MICU3: variants seen among roughly 807,000 people sequenced by gnomAD.
MICU3 encodes calcium uptake protein 3, mitochondrial.
In MICU3, 62 loss-of-function variants were observed where a neutral mutation model predicts 66.5. The ratio of observed to expected loss-of-function variants is 0.93; its 90% CI spans 0.76 to 1.15. MICU3 has a LOEUF of 1.15. MICU3 is among the 50% of genes most tolerant of loss of function. The pLI is 0.00. For synonymous variants in MICU3, 308 were observed against 240.7 expected (o/e 1.28, Z -2.59); for missense variants, 779 against 664.4 (o/e 1.17, Z -1.90).
chr8:17,133,388 TA>T, the MICU3 span, among the ~76,000 whole-genome samples: 3 of 152,248 alleles, frequency 2.0e-5, no homozygotes, highest in African/African-American at 2.4e-5. Context: ...TTGCCACATA[TA>T]TTTTTTTAAA....
At chr8:17,138,512 T>A in the MICU3 span, among the ~76,000 whole-genome samples, 1 of 152,256 alleles carries the variant, frequency 6.6e-6, no homozygotes, top group Non-Finnish European at 1.5e-5. Context: ...AATTTGCAAA[T>A]GATGTCCACT....
intron 5 of MICU3, among the ~76,000 whole-genome samples, chr8:17,084,197 C>A (rs1007754399): frequency 8.6e-5 from 13 of 152,026 alleles, no homozygotes; most frequent in African/African-American, 3.1e-4. Flanking sequence ...CTGTATTTTT[C>A]CCTCCAAACA....
At chr8:17,066,708 C>G (rs938744465) in intron 2 of MICU3, among the ~76,000 whole-genome samples, 1 of 151,210 alleles carries the variant, frequency 6.6e-6, no homozygotes, top group African/African-American at 2.4e-5. Context: ...ATGCCACCAG[C>G]TAATTTTTTA....
intron 2 of MICU3, among the ~76,000 whole-genome samples, chr8:17,067,335 A>T (rs1818874720): frequency 6.6e-6 from 1 of 152,170 alleles, no homozygotes; most frequent in Non-Finnish European, 1.5e-5. Context: ...TTTTTCTTGA[A>T]GATCGAATGA....
At chr8:17,093,396 A>G (rs1045150836) in intron 8 of MICU3, among the ~76,000 whole-genome samples, 1 of 152,028 alleles carries the variant, frequency 6.6e-6, no homozygotes, top group East Asian at 1.9e-4. Context: ...TTTATGGACT[A>G]AAACAATATC....
rs116815403 is a variant in MICU3, at chr8:17,091,145, A to G, written c.888+561A>G. ...GTTTATCATATTATTTCTAAAGAGG[A>G]TAATGACTTTCAGACTTTTCTTGTC... On this transcript the variant is annotated intron_variant, in intron 8 of 14. Coordinates refer to ENST00000318063, the MANE Select transcript of MICU3 (RefSeq NM_181723.3). Among the ~76,000 whole-genome samples, 1,366 of 152,164 alleles carry G rather than the reference A, an allele frequency of 9.0e-3. 15 individuals carry two copies. The highest frequency in any genetic ancestry group is 0.03 in the African/African-American group (1,246 of 41,532).
intron 1 of MICU3, among the ~76,000 whole-genome samples, chr8:17,035,231 G>A (rs993229719): frequency 6.6e-6 from 1 of 152,166 alleles, no homozygotes; most frequent in Non-Finnish European, 1.5e-5. Context: ...CCAGTCTTGG[G>A]TATGTTTTTA....
intron 12 of MICU3, among the ~76,000 whole-genome samples, chr8:17,116,176 A>G (rs143216753): frequency 3.9e-5 from 6 of 152,334 alleles, no homozygotes. Flanking sequence ...TAACTTCTAA[A>G]GTATCTGTCA....
In MICU3 at chr8:17,033,391, A is replaced by G. The variant is rs190492527; in HGVS notation, c.381+5731A>G. 3.3e-5 allele frequency among the ~76,000 whole-genome samples: 5 copies of G among 152,274 alleles called. No individual in the cohort carries two copies. The East Asian group carries it at 7.7e-4, about 24-fold the overall frequency. On this transcript the variant is annotated intron_variant, in intron 1 of 14. Coordinates refer to ENST00000318063, the MANE Select transcript of MICU3 (RefSeq NM_181723.3). ...GGTCTATGTAGAAGACCAAACCACA[A>G]CATTCCCTTAAGACAGAGCTTAATC...
At chr8:17,036,845 C>G (rs1387149219) in intron 1 of MICU3, among the ~76,000 whole-genome samples, 2 of 152,244 alleles carry the variant, frequency 1.3e-5, no homozygotes. Context: ...TGGTCGATGG[C>G]ACTGGGCACC....
intron 1 of MICU3, among the ~76,000 whole-genome samples, chr8:17,050,579 C>G (rs534763718): frequency 6.6e-6 from 1 of 152,172 alleles, no homozygotes; most frequent in East Asian, 1.9e-4. Context: ...TTTGATCTGT[C>G]CATTTCTAGT....
intron 4 of MICU3, among the ~76,000 whole-genome samples, chr8:17,079,002 C>T (rs1236927413): frequency 6.6e-6 from 1 of 152,018 alleles, no homozygotes; most frequent in African/African-American, 2.4e-5. Flanking sequence ...TCTTAATATA[C>T]CTCATGGGAA....
At chr8:17,054,864 A>G (rs1585251841) in intron 1 of MICU3, among the ~76,000 whole-genome samples, 2 of 148,158 alleles carry the variant, frequency 1.3e-5, no homozygotes, top group South Asian at 2.1e-4. Context: ...TCAGCCTCCC[A>G]AGTAGCTGGG....
intron 1 of MICU3, among the ~76,000 whole-genome samples, chr8:17,048,505 C>G (rs897396075): frequency 1.3e-5 from 2 of 152,186 alleles, no homozygotes; most frequent in African/African-American, 4.8e-5. Flanking sequence ...GACCCACCCC[C>G]ATGATTCAGT....
chr8:17,099,218 T>A (rs1397343333), intron 9 of MICU3, among the ~76,000 whole-genome samples: 1 of 151,704 alleles, frequency 6.6e-6, no homozygotes, highest in Non-Finnish European at 1.5e-5. Flanking sequence ...AGAAAAACTG[T>A]TTTGTGTTTC....
At chr8:17,114,979 C>T (rs1018091803) in intron 12 of MICU3, among the ~76,000 whole-genome samples, 1 of 151,726 alleles carries the variant, frequency 6.6e-6, no homozygotes, top group African/African-American at 2.4e-5. Flanking sequence ...ATTAGCCGGG[C>T]GTAGTGGCGG....
chr8:17,094,109 C>G (rs542728070), intron 8 of MICU3, among the ~76,000 whole-genome samples: 2 of 152,008 alleles, frequency 1.3e-5, no homozygotes, highest in Admixed American at 1.3e-4. Context: ...GCATCCTAAA[C>G]AGTGTAGTTT....
intron 1 of MICU3, among the ~76,000 whole-genome samples, chr8:17,056,084 T>A (rs1367342998): frequency 6.6e-6 from 1 of 152,206 alleles, no homozygotes; most frequent in East Asian, 1.9e-4. Flanking sequence ...TTAATGTAAC[T>A]GATTGATCCC....
chr8:17,081,644 C>T, intron 4 of MICU3, 49 bp from the exon 5 acceptor site: 1 of 542,794 alleles, frequency 1.8e-6, no homozygotes. Flanking sequence ...GCATTTATTG[C>T]TTCTAGAACA....
Sources: allele counts gnomAD v4.1 joint callset (sites outside exome capture counted in the v4.1 genomes callset), GRCh38; gene constraint gnomAD v4.1.1; transcripts MANE v1.5; gene names NCBI Gene and HGNC (gene_info 2026-07-23, HGNC 2026-07-21).